Variants in KIAA1217 observed in about 807,000 individuals in gnomAD.
KIAA1217 encodes sickle tail protein homolog.
In KIAA1217, 88 loss-of-function variants were observed where a neutral mutation model predicts 163.9. That is an observed-to-expected ratio of 0.54 (90% confidence interval 0.45 to 0.64). KIAA1217 has a LOEUF of 0.64. KIAA1217 is among the 30% of genes least tolerant of loss of function. The probability of loss-of-function intolerance (pLI) is 0.00; values close to 1 mark genes in which losing one functional copy is unlikely to be tolerated. For missense variants in KIAA1217, 2,372 were observed against 2,475.0 expected, an observed-to-expected ratio of 0.96 and a Z score of 0.88; for synonymous variants, 903 against 923.1, an observed-to-expected ratio of 0.98 and a Z score of 0.39.
chr10:24,405,697 T>C (rs2057134254), intron 3 of KIAA1217, among the ~76,000 whole-genome samples: 1 of 152,196 alleles, frequency 6.6e-6, no homozygotes, highest in African/African-American at 2.4e-5. Flanking sequence ...ACAGTCTCTA[T>C]TATAATTCTG....
intron 2 of KIAA1217, among the ~76,000 whole-genome samples, chr10:24,035,950 T>A (rs1009393557): frequency 2.6e-5 from 4 of 152,166 alleles, no homozygotes; most frequent in African/African-American, 4.8e-5. Context: ...GAAGGAGCAG[T>A]CATGCATGAG....
intron 2 of KIAA1217, among the ~76,000 whole-genome samples, chr10:24,293,560 TG>T (rs1261220128): frequency 7.9e-6 from 1 of 125,902 alleles, no homozygotes; most frequent in African/African-American, 2.7e-5. Context: ...CTGTTGGGCT[TG>T]GCAGCCGTCA....
chr10:24,289,679 G>A (rs1054699234), intron 2 of KIAA1217, among the ~76,000 whole-genome samples: 2 of 152,088 alleles, frequency 1.3e-5, no homozygotes, highest in Non-Finnish European at 2.9e-5. Flanking sequence ...GGAAGGAGAG[G>A]GGAATGTTGA....
At chr10:23,919,770 T>A (rs954082150) in intron 1 of KIAA1217, among the ~76,000 whole-genome samples, 1 of 152,164 alleles carries the variant, frequency 6.6e-6, no homozygotes, top group African/African-American at 2.4e-5. Flanking sequence ...CCAAACCCTA[T>A]TCTTTCGGTG....
intron 1 of KIAA1217, among the ~76,000 whole-genome samples, chr10:23,720,701 T>C (rs1051661827): frequency 5.3e-5 from 8 of 152,206 alleles, no homozygotes; most frequent in Non-Finnish European, 1.0e-4. Flanking sequence ...TTTCAATTTA[T>C]AATTAGTTAA....
intron 2 of KIAA1217, among the ~76,000 whole-genome samples, chr10:24,086,929 T>C (rs957560301): frequency 6.6e-6 from 1 of 152,204 alleles, no homozygotes; most frequent in Non-Finnish European, 1.5e-5. Flanking sequence ...AAGTAACATT[T>C]AGATTTCCAG....
At chr10:24,050,550 A>G (rs926284624) in intron 2 of KIAA1217, among the ~76,000 whole-genome samples, 3 of 152,114 alleles carry the variant, frequency 2.0e-5, no homozygotes, top group African/African-American at 7.2e-5. Flanking sequence ...AACACCATTT[A>G]TTAAATAGGA....
intron 2 of KIAA1217, among the ~76,000 whole-genome samples, chr10:24,269,098 T>C (rs996508051): frequency 7.1e-6 from 1 of 140,228 alleles, no homozygotes; most frequent in Non-Finnish European, 1.5e-5. Flanking sequence ...TTGGGAGATA[T>C]ACCTAATGCT....
At chr10:24,138,643 A>T (rs1294152383) in intron 2 of KIAA1217, among the ~76,000 whole-genome samples, 1 of 77,776 alleles carries the variant, frequency 1.3e-5, no homozygotes, top group Non-Finnish European at 3.3e-5. Context: ...TCCATTCATT[A>T]ACCAAAAAAA....
chr10:24,506,137 G>T lies in KIAA1217; in HGVS notation c.2001+4592G>T, dbSNP rs144967008. The stretch of plus-strand genomic sequence containing the variant: ...TGGGGAGACAGCACCCCAATAACAT[G>T]GGTTATATAGCTGTGACCAGGCATC... On this transcript the variant is annotated intron_variant, in intron 9 of 20. Coordinates refer to ENST00000376454, the MANE Select transcript of KIAA1217 (RefSeq NM_019590.5). 4.8e-3 allele frequency among the ~76,000 whole-genome samples: 738 copies of T among 152,282 alleles called. 3 individuals are homozygous for T. The highest frequency in any genetic ancestry group is 0.015 in the African/African-American group (604 of 41,562).
At position 24,339,845 on chromosome 10, in the gene KIAA1217, C is replaced by G. The variant is rs532794616; in HGVS notation, c.355-41024C>G. 8.4e-4 allele frequency among the ~76,000 whole-genome samples: 128 copies of G among 152,212 alleles called. 1 individual carries two copies. The highest frequency in any genetic ancestry group is 1.4e-3 in the Non-Finnish European group (97 of 68,034). ...TACAATGAAGAACTTTAGTGTCCCC[C>G]CAAAGCCAATGTTAGTCTGTCTCCC... On this transcript the variant is annotated intron_variant, in intron 2 of 20. Coordinates refer to ENST00000376454, the MANE Select transcript of KIAA1217 (RefSeq NM_019590.5).
intron 1 of KIAA1217, among the ~76,000 whole-genome samples, chr10:23,717,905 G>C (rs1837664773): frequency 6.6e-6 from 1 of 152,042 alleles, no homozygotes; most frequent in South Asian, 2.1e-4. Flanking sequence ...TCATAGCAAT[G>C]ATCATAAAAC....
intron 1 of KIAA1217, among the ~76,000 whole-genome samples, chr10:23,764,226 A>G (rs1342490782): frequency 2.0e-5 from 3 of 152,216 alleles, no homozygotes; most frequent in African/African-American, 7.2e-5. Flanking sequence ...CTGCTCACCA[A>G]AGAAATGAAA....
intron 1 of KIAA1217, among the ~76,000 whole-genome samples, chr10:23,852,278 T>G (rs921720676): frequency 9.9e-5 from 15 of 152,216 alleles, no homozygotes; most frequent in Non-Finnish European, 1.5e-4. Flanking sequence ...GGAAATCCTT[T>G]CCCCATTGCT....
rs144854594 is a variant in KIAA1217 at position 24,282,983 on chromosome 10, T to G, written c.354+63074T>G. On this transcript the variant is annotated intron_variant, in intron 2 of 20. Coordinates refer to ENST00000376454, the MANE Select transcript of KIAA1217 (RefSeq NM_019590.5). The stretch of plus-strand genomic sequence containing the variant: ...CGAGTAACTGGGATTACAGACGTGT[T>G]CCATGATGCCTGGATAATTTTGTAT... 1.3e-3 allele frequency among the ~76,000 whole-genome samples: 200 copies of G among 151,854 alleles called. 1 individual carries two copies. The highest frequency in any genetic ancestry group is 4.4e-3 in the African/African-American group (182 of 41,454).
intron 2 of KIAA1217, among the ~76,000 whole-genome samples, chr10:24,365,351 G>A (rs1307941319): frequency 2.0e-5 from 3 of 151,374 alleles, no homozygotes; most frequent in Admixed American, 6.6e-5. Flanking sequence ...TTCTCCTCCC[G>A]CAGCCGGTGT....
chr10:24,152,959 A>G (rs2064691042), intron 2 of KIAA1217, among the ~76,000 whole-genome samples: 2 of 152,226 alleles, frequency 1.3e-5, no homozygotes, highest in Admixed American at 1.3e-4. Flanking sequence ...TAAATGTAAT[A>G]ACAGTCTTGT....
chr10:23,866,474 C>T (rs1161831337), intron 1 of KIAA1217, among the ~76,000 whole-genome samples: 6 of 152,076 alleles, frequency 3.9e-5, no homozygotes, highest in African/African-American at 9.7e-5. Flanking sequence ...ATTTATTATA[C>T]GAAAGAGCAA....
chr10:24,238,032 C>T (rs747774117), intron 2 of KIAA1217, among the ~76,000 whole-genome samples: 3 of 152,110 alleles, frequency 2.0e-5, no homozygotes, highest in Non-Finnish European at 4.4e-5. Flanking sequence ...CCTGGGTGCA[C>T]CCAGCAAGGT....
Sources: gnomAD v4.1 joint callset for allele counts (sites outside exome capture counted in the v4.1 genomes callset) on GRCh38, gnomAD v4.1.1 for gene constraint, MANE v1.5 for transcripts, NCBI Gene and HGNC (gene_info 2026-07-23, HGNC 2026-07-21) for gene names.